Variants in ENTPD1 observed in about 807,000 individuals in gnomAD.
ENTPD1 encodes ectonucleoside triphosphate diphosphohydrolase 1.
In ENTPD1, 33 loss-of-function variants were observed where a neutral mutation model predicts 57.0. The observed-to-expected ratio is 0.58, with a 90% CI of 0.44 to 0.77. ENTPD1 has a LOEUF of 0.77. Ranked by LOEUF, ENTPD1 falls within the 30% of genes least tolerant of loss-of-function variation. The pLI, the probability that ENTPD1 is intolerant of heterozygous loss-of-function variation, is 0.00. For missense variants in ENTPD1, 501 were observed against 603.4 expected (o/e 0.83, Z 1.78); for synonymous variants, 202 against 218.8 (o/e 0.92, Z 0.68).
chr10:95,863,661 G>C (rs1290723179), intron 8 of ENTPD1, among the ~76,000 whole-genome samples: 1 of 152,210 alleles, frequency 6.6e-6, no homozygotes, highest in Admixed American at 6.5e-5. Context: ...GTGAGAAACA[G>C]ACCCCAGCCA....
At chr10:95,759,490 G>A (rs1226526444) in intron 1 of ENTPD1, among the ~76,000 whole-genome samples, 1 of 152,194 alleles carries the variant, frequency 6.6e-6, no homozygotes, top group Non-Finnish European at 1.5e-5. Flanking sequence ...CTACTTTATA[G>A]CAACCTTGCT....
chr10:95,737,506 T>A (rs1276115295), intron 1 of ENTPD1, among the ~76,000 whole-genome samples: 1 of 152,052 alleles, frequency 6.6e-6, no homozygotes, highest in Admixed American at 6.5e-5. Flanking sequence ...TGCCTCAGCC[T>A]CCTGAGTAGC....
chr10:95,866,802 TTCTC>T lies in ENTPD1; in HGVS notation c.*424_*427del. On this transcript the variant is annotated 3_prime_UTR_variant, in exon 10 of 10. Coordinates refer to ENST00000371205, the MANE Select transcript of ENTPD1 (RefSeq NM_001776.6). ...TCAGTTGTACTCTTTAAGAACCCCT[TTCTC>T]TCTCCTGTTTGCCATCCATTAAGAA... 9.5e-7 allele frequency: 1 copy of T among 1,057,364 alleles called. No individual in the cohort carries two copies. Among genetic ancestry groups the T allele is most frequent in the South Asian group, 3.1e-5 (1 of 32,044 alleles). The allele number at this position is 1,057,364 out of a possible 1,614,324, so 65.5% of individuals were successfully genotyped here. A position where few individuals can be genotyped will look rare whatever the true frequency, so the allele number is the denominator to read the frequency against.
chr10:95,733,135 C>T (rs11188459), intron 1 of ENTPD1, among the ~76,000 whole-genome samples: 24,236 of 152,028 alleles, frequency 0.16, 2,498 homozygotes, highest in African/African-American at 0.28. Context: ...ATTCCCAGAG[C>T]GGCCAGTTTA....
chr10:95,781,490 C>T (rs572607495), intron 1 of ENTPD1, among the ~76,000 whole-genome samples: 1 of 152,096 alleles, frequency 6.6e-6, no homozygotes, highest in East Asian at 1.9e-4. Flanking sequence ...GTGATGGATA[C>T]CTCATTTATC....
At chr10:95,820,165 T>C (rs1009227136) in intron 1 of ENTPD1, among the ~76,000 whole-genome samples, 2 of 152,248 alleles carry the variant, frequency 1.3e-5, no homozygotes, top group African/African-American at 4.8e-5. Context: ...TGATCAGGGC[T>C]TTTGAAAACT....
chr10:95,833,536 A>T (rs2098402376), intron 2 of ENTPD1: 1 of 152,094 alleles, frequency 6.6e-6, no homozygotes, highest in African/African-American at 2.4e-5. Context: ...CATTAAAGCT[A>T]CAGGAACTTT....
intron 1 of ENTPD1, among the ~76,000 whole-genome samples, chr10:95,801,896 T>A (rs71482378): frequency 0.11 from 16,131 of 152,272 alleles, 1,034 homozygotes; most frequent in Middle Eastern, 0.22. Flanking sequence ...AGGAATAGCA[T>A]TGAATCTATA....
At chr10:95,738,856 A>C (rs535617263) in intron 1 of ENTPD1, among the ~76,000 whole-genome samples, 7 of 152,182 alleles carry the variant, frequency 4.6e-5, no homozygotes, top group Non-Finnish European at 8.8e-5. Context: ...GGAGAGAAAA[A>C]GAATTTGCAC....
chr10:95,747,302 G>A (rs950698973), intron 1 of ENTPD1, among the ~76,000 whole-genome samples: 1 of 152,096 alleles, frequency 6.6e-6, no homozygotes, highest in South Asian at 2.1e-4. Flanking sequence ...GAACCTCTTC[G>A]TATATTCATC....
chr10:95,720,238 G>T (rs948079131), intron 1 of ENTPD1, among the ~76,000 whole-genome samples: 3 of 152,056 alleles, frequency 2.0e-5, no homozygotes, highest in African/African-American at 7.2e-5. Flanking sequence ...GGCATTCTTT[G>T]CTCGTCCATA....
rs753255513 is a variant in ENTPD1 at position 95,872,285 on chromosome 10, C to T, written c.*5902C>T. 194 of 985,390 alleles carry T rather than the reference C, an allele frequency of 2.0e-4. No homozygotes were observed. Among genetic ancestry groups the T allele is most frequent in the Non-Finnish European group, 3.6e-5 (30 of 829,922 alleles). 61.0% of individuals were successfully genotyped at this position (985,390 alleles called of 1,614,324 possible). ...TCCATTGCCTACAAAATAAAGTCAA[C>T]CTCCCCATCAGACATTCAAGGCTTT... On this transcript the variant is annotated 3_prime_UTR_variant, in exon 10 of 10. Coordinates refer to ENST00000371205, the MANE Select transcript of ENTPD1 (RefSeq NM_001776.6).
chr10:95,706,246 C>A, the ENTPD1 span, among the ~76,000 whole-genome samples: 1 of 152,190 alleles, frequency 6.6e-6, no homozygotes, highest in South Asian at 2.1e-4. Flanking sequence ...GTTATGGGAT[C>A]TTTGGGTTGT....
intron 1 of ENTPD1, among the ~76,000 whole-genome samples, chr10:95,815,062 T>C (rs941168840): frequency 6.6e-6 from 1 of 152,202 alleles, no homozygotes; most frequent in Admixed American, 6.5e-5. Flanking sequence ...AAGTAAAATA[T>C]AGGCAGGAAA....
chr10:95,869,045 G>T lies in ENTPD1; in HGVS notation c.*2662G>T, dbSNP rs1364841046. On this transcript the variant is annotated 3_prime_UTR_variant, in exon 10 of 10. Transcript: ENST00000371205. ...GGTAGGTGAAATAAGATTGGTCACT[G>T]TTAACTAATTTTAATATTGGATTGG... is the stretch of plus-strand genomic sequence containing the variant. 3 of 985,108 alleles carry T rather than the reference G, an allele frequency of 3.0e-6. No homozygotes were observed. The highest frequency in any genetic ancestry group is 3.5e-5 in the African/African-American group (2 of 57,168). 61.0% of individuals were successfully genotyped at this position (985,108 alleles called of 1,614,324 possible).
At chr10:95,809,034 T>C (rs1027360751) in intron 1 of ENTPD1, among the ~76,000 whole-genome samples, 1 of 152,090 alleles carries the variant, frequency 6.6e-6, no homozygotes, top group Non-Finnish European at 1.5e-5. Context: ...GAGCACGGGG[T>C]TGGGGGTAAG....
chr10:95,807,554 C>G (rs1192313932), intron 1 of ENTPD1, among the ~76,000 whole-genome samples: 1 of 152,228 alleles, frequency 6.6e-6, no homozygotes, highest in African/African-American at 2.4e-5. Flanking sequence ...AACCAGGTAC[C>G]TCAATTGGAA....
intron 1 of ENTPD1, among the ~76,000 whole-genome samples, chr10:95,767,835 A>G (rs559959330): frequency 6.6e-6 from 1 of 152,314 alleles, no homozygotes; most frequent in East Asian, 1.9e-4. Context: ...ATGTCCCCCC[A>G]AAAGCATATG....
chr10:95,864,641 T>C, intron 8 of ENTPD1, 83 bp from the exon 9 acceptor site: 3 of 1,589,920 alleles, frequency 1.9e-6, no homozygotes, highest in Non-Finnish European at 2.6e-6. Context: ...TTCCCCTCTC[T>C]TCATCAGGGC....
Sources: allele counts gnomAD v4.1 joint callset (sites outside exome capture counted in the v4.1 genomes callset), GRCh38; gene constraint gnomAD v4.1.1; transcripts MANE v1.5; gene names NCBI Gene and HGNC (gene_info 2026-07-23, HGNC 2026-07-21).